TMEM131: variants seen among roughly 807,000 people sequenced by gnomAD.
TMEM131 encodes transmembrane protein 131, also known as 2610524E03Rik.
In TMEM131, 66 loss-of-function variants were observed where a neutral mutation model predicts 211.6. That is an observed-to-expected ratio of 0.31 (90% CI 0.26 to 0.38). TMEM131 has a LOEUF of 0.38. Ranked by LOEUF, TMEM131 falls within the 10% of genes least tolerant of loss-of-function variation. TMEM131 has a pLI of 1.00. For missense variants in TMEM131, 2,036 were observed against 2,299.3 expected, an observed-to-expected ratio of 0.89 and a Z score of 2.34; for synonymous variants, 844 against 841.3, an observed-to-expected ratio of 1.00 and a Z score of -0.06.
At chr2:97,865,512 T>C (rs1282148333) in intron 4 of TMEM131, among the ~76,000 whole-genome samples, 2 of 152,342 alleles carry the variant, frequency 1.3e-5, no homozygotes, top group Non-Finnish European at 1.5e-5. Flanking sequence ...ATCTCAAATG[T>C]TTTTTCTGTG....
chr2:97,804,948 C>A, intron 22 of TMEM131, 140 bp downstream of exon 22: 1 of 568,372 alleles, frequency 1.8e-6, no homozygotes, highest in Non-Finnish European at 3.0e-6. Context: ...AGATGCCTCA[C>A]TAATAACTTT....
intron 1 of TMEM131, among the ~76,000 whole-genome samples, chr2:97,939,064 C>G (rs1218042395): frequency 6.6e-6 from 1 of 152,090 alleles, no homozygotes; most frequent in Non-Finnish European, 1.5e-5. Flanking sequence ...CAAATGCCCA[C>G]AAGAGAAAGC....
intron 4 of TMEM131, among the ~76,000 whole-genome samples, chr2:97,878,787 G>T (rs1439206709): frequency 6.6e-6 from 1 of 150,618 alleles, no homozygotes; most frequent in Non-Finnish European, 1.5e-5. Context: ...CATGGCACAT[G>T]TGTACCTATG....
chr2:97,761,958 G>A, intron 36 of TMEM131, 77 bp downstream of exon 36: 1 of 1,433,314 alleles, frequency 7.0e-7, no homozygotes, highest in Admixed American at 2.9e-5. Flanking sequence ...GCCGCTAAGT[G>A]TTTCCATTTA....
chr2:97,825,023 A>T (rs948569479), intron 11 of TMEM131, among the ~76,000 whole-genome samples: 1 of 152,192 alleles, frequency 6.6e-6, no homozygotes, highest in Non-Finnish European at 1.5e-5. Context: ...TCTGGACCTC[A>T]AGAATGTCTT....
chr2:97,821,382 G>A (rs1018612274), intron 11 of TMEM131, among the ~76,000 whole-genome samples: 2 of 152,138 alleles, frequency 1.3e-5, no homozygotes, highest in South Asian at 2.1e-4. Flanking sequence ...AGCAGGACGC[G>A]GGCAGGGCCA....
intron 1 of TMEM131, among the ~76,000 whole-genome samples, chr2:97,954,429 A>G (rs1020741158): frequency 1.3e-5 from 2 of 152,200 alleles, no homozygotes; most frequent in Admixed American, 6.5e-5. Flanking sequence ...TTCCTCAAAA[A>G]CCACAAACTA....
chr2:97,989,980 C>A (rs114903638), intron 1 of TMEM131, among the ~76,000 whole-genome samples: 1 of 152,318 alleles, frequency 6.6e-6, no homozygotes, highest in Non-Finnish European at 1.5e-5. Flanking sequence ...TTCTGCCTGC[C>A]GAGGCAAATG....
At chr2:97,969,892 T>C (rs1309686379) in intron 1 of TMEM131, among the ~76,000 whole-genome samples, 2 of 152,218 alleles carry the variant, frequency 1.3e-5, no homozygotes, top group African/African-American at 4.8e-5. Flanking sequence ...TGTTACTCAG[T>C]GCCTTTCACA....
rs978699011 is a variant in TMEM131, at chr2:97,825,101, T to C, written c.1075-6380A>G. Among the ~76,000 whole-genome samples the C allele has an allele frequency of 2.0e-5, 3 of 152,314 alleles. No individual in the cohort carries two copies. In the East Asian group the frequency reaches 5.8e-4, roughly 29 times the overall value. ...CTTTGAGGATCCCACAGACCACATG[T>C]CCCAACTTATGTGGACGGTCTTATG... On this transcript the variant is annotated intron_variant, in intron 11 of 40. Coordinates refer to ENST00000186436, the MANE Select transcript of TMEM131 (RefSeq NM_015348.2).
chr2:97,849,707 C>T (rs558330749), intron 5 of TMEM131, among the ~76,000 whole-genome samples: 1 of 139,378 alleles, frequency 7.2e-6, no homozygotes, highest in African/African-American at 2.7e-5. Context: ...GTGTGTATAT[C>T]TCTCTCTCTC....
chr2:97,805,341 G>A, intron 21 of TMEM131, 35 bp downstream of exon 21: 5 of 1,602,960 alleles, frequency 3.1e-6, no homozygotes, highest in Non-Finnish European at 4.3e-6. Context: ...TTTGGGGGAA[G>A]TGAAGACATG....
intron 33 of TMEM131, among the ~76,000 whole-genome samples, chr2:97,767,204 AT>A (rs1218181205): frequency 6.6e-6 from 1 of 152,152 alleles, no homozygotes; most frequent in Admixed American, 6.5e-5. Flanking sequence ...AATTAAATAT[AT>A]TTTTTATTGA....
intron 1 of TMEM131, among the ~76,000 whole-genome samples, chr2:97,939,926 T>C (rs1677638260): frequency 6.6e-6 from 1 of 152,150 alleles, no homozygotes; most frequent in Admixed American, 6.5e-5. Context: ...AAAAACTACA[T>C]GACTATCTCA....
chr2:97,953,731 T>C (rs1411711305), intron 1 of TMEM131, among the ~76,000 whole-genome samples: 3 of 152,154 alleles, frequency 2.0e-5, no homozygotes, highest in Non-Finnish European at 2.9e-5. Flanking sequence ...CCGTGGACCA[T>C]GCACCAGGAC....
chr2:97,872,117 C>G (rs1559414500), intron 4 of TMEM131, among the ~76,000 whole-genome samples: 1 of 151,978 alleles, frequency 6.6e-6, no homozygotes, highest in East Asian at 1.9e-4. Flanking sequence ...AGTCTGAAAA[C>G]AAAGAAAGCT....
chr2:97,788,583 C>G (rs1187045715), intron 31 of TMEM131, among the ~76,000 whole-genome samples: 1 of 152,214 alleles, frequency 6.6e-6, no homozygotes, highest in Non-Finnish European at 1.5e-5. Flanking sequence ...TCGGCCCACT[C>G]CACCACCTGG....
intron 1 of TMEM131, among the ~76,000 whole-genome samples, chr2:97,947,756 GAAC>G (rs1445351034): frequency 1.3e-5 from 2 of 151,878 alleles, no homozygotes; most frequent in East Asian, 3.9e-4. Context: ...TGAAAAAGAA[GAAC>G]AAGATTGGAG....
At chr2:97,909,431 A>G (rs1676206500) in intron 2 of TMEM131, among the ~76,000 whole-genome samples, 1 of 152,096 alleles carries the variant, frequency 6.6e-6, no homozygotes, top group Admixed American at 6.5e-5. Flanking sequence ...AAGTCATGGG[A>G]AGAAGTTTGG....
Sources: gnomAD v4.1 joint callset for allele counts (sites outside exome capture counted in the v4.1 genomes callset) on GRCh38, gnomAD v4.1.1 for gene constraint, MANE v1.5 for transcripts, NCBI Gene and HGNC (gene_info 2026-07-23, HGNC 2026-07-21) for gene names.